Variants in INTS2 observed in about 807,000 individuals in gnomAD.
INTS2 encodes integrator complex subunit 2.
In INTS2, 57 loss-of-function variants were observed where a neutral mutation model predicts 139.6. The observed-to-expected ratio is 0.41, with a 90% CI of 0.33 to 0.51. The LOEUF (loss-of-function observed/expected upper bound fraction) is 0.51. Among genes scored for constraint, INTS2 ranks in the 20% least tolerant of loss-of-function variants. INTS2 has a pLI of 0.28. For synonymous variants in INTS2, 473 were observed against 493.4 expected (o/e 0.96, Z 0.55); for missense variants, 1,196 against 1,436.7 (o/e 0.83, Z 2.71).
intron 9 of INTS2, among the ~76,000 whole-genome samples, chr17:61,903,174 G>GAAAAA (rs551514700): frequency 5.0e-5 from 3 of 59,928 alleles, no homozygotes; most frequent in Non-Finnish European, 6.8e-5. Flanking sequence ...CTCAAAAAAG[G>GAAAAA]AAAAAAAAAA....
At chr17:61,922,485 G>C (rs1295963231) in intron 3 of INTS2, among the ~76,000 whole-genome samples, 2 of 56,862 alleles carry the variant, frequency 3.5e-5, no homozygotes, top group Non-Finnish European at 7.7e-5. Flanking sequence ...AAAAAAAAAA[G>C]AAAAAGAAAA....
Position 61,871,324 on chromosome 17 carries a change from T to G in INTS2, c.2778+941A>C, listed in dbSNP as rs1567887186. ...TTAGTAGAGATGGGGTTTCACCATG[T>G]TGGCCAGGCTGGTCTCAAAACTCCT... On this transcript the variant is annotated intron_variant, in intron 20 of 24. Transcript: ENST00000251334. The surrounding 1 kb of genome is among the most constrained non-coding windows in gnomAD (Gnocchi z 4.9). 6.6e-6 allele frequency among the ~76,000 whole-genome samples: 1 copy of G among 152,034 alleles called. No homozygotes were observed. The highest frequency in any genetic ancestry group is 1.5e-5 in the Non-Finnish European group (1 of 68,000).
intron 14 of INTS2, among the ~76,000 whole-genome samples, chr17:61,891,260 T>C (rs73332580): frequency 0.29 from 44,182 of 151,418 alleles, 8,577 homozygotes; most frequent in African/African-American, 0.54. Context: ...TGCAGTGAGC[T>C]GAGATCGCGC....
chr17:61,899,779 G>A (rs929211488), intron 9 of INTS2, among the ~76,000 whole-genome samples: 24 of 151,832 alleles, frequency 1.6e-4, no homozygotes, highest in African/African-American at 4.6e-4. Context: ...AGGCATGGTG[G>A]CGCATGTTTG....
intron 19 of INTS2, chr17:61,874,079 CTTTTTT>C (rs1206531745): frequency 6.6e-6 from 1 of 152,084 alleles, no homozygotes; most frequent in Non-Finnish European, 1.5e-5. Flanking sequence ...GTCCACTCTT[CTTTTTT>C]TAAGTTTAAA....
chr17:61,925,051 A>C lies in INTS2; in HGVS notation c.342T>G (p.Leu114=). The change falls in exon 3 of 25, where the codon CTT becomes CTG. Residue 114 remains leucine (L), a synonymous_variant. Coordinates refer to ENST00000251334, the MANE Select transcript of INTS2 (RefSeq NM_001351695.2). ...CAAACTCTAACGTCAGTCCATGCTG[A>C]AGCTGTGATACCAGGATGCTCTCTC... ...GSGESILVSQ[L]QHGLTLEFEH... 1.2e-6 allele frequency: 2 copies of C among 1,613,752 alleles called. No individual in the cohort carries two copies. Among genetic ancestry groups the C allele is most frequent in the Non-Finnish European group, 1.7e-6 (2 of 1,179,708 alleles).
At chr17:61,899,901 G>A (rs1284752632) in intron 9 of INTS2, among the ~76,000 whole-genome samples, 2 of 121,846 alleles carry the variant, frequency 1.6e-5, no homozygotes, top group Non-Finnish European at 3.3e-5. Context: ...AACAAAGCAA[G>A]ATCCTATCTA....
Position 61,926,655 on chromosome 17 carries a change from T to C in INTS2, c.-11A>G. 2 of 1,600,610 alleles carry C rather than the reference T, an allele frequency of 1.2e-6. No homozygotes were observed. The highest frequency in any genetic ancestry group is 2.2e-5 in the South Asian group (2 of 89,090). On this transcript the variant is annotated 5_prime_UTR_variant, in exon 2 of 25. Transcript: ENST00000251334. ...TGTACATTCAGTCATTATTACTGTT[T>C]GTTGATCCTAATGGTAAAAATACAA...
Position 61,897,417 on chromosome 17 carries a change from T to C in INTS2, c.1494+52A>G, listed in dbSNP as rs2079360578. 1 of 1,056,636 alleles carries C rather than the reference T, an allele frequency of 9.5e-7. No homozygotes were observed. The highest frequency in any genetic ancestry group is 1.4e-6 in the Non-Finnish European group (1 of 725,604). 65.5% of individuals were successfully genotyped at this position (1,056,636 alleles called of 1,614,324 possible). A position where few individuals can be genotyped will look rare whatever the true frequency, so the allele number is the denominator to read the frequency against. On this transcript the variant is annotated intron_variant, in intron 11 of 24. Coordinates refer to ENST00000251334, the MANE Select transcript of INTS2 (RefSeq NM_001351695.2). This position sits in a 1 kb window ranked among gnomAD's most constrained non-coding sequence, Gnocchi z 4.4. ...AATCTATTTACACTACAACAAAATG[T>C]CCAGCTTAGAAACACCTTTTTTTTT...
intron 3 of INTS2, among the ~76,000 whole-genome samples, chr17:61,923,764 C>T (rs905939014): frequency 3.3e-5 from 5 of 152,008 alleles, no homozygotes; most frequent in Admixed American, 6.6e-5. Context: ...ACCACAACCT[C>T]CACCTCCCAG....
At chr17:61,891,965 T>C (rs1166549246) in intron 13 of INTS2, among the ~76,000 whole-genome samples, 1 of 152,114 alleles carries the variant, frequency 6.6e-6, no homozygotes, top group Non-Finnish European at 1.5e-5. Context: ...ACATTTTAAG[T>C]CCCTACCATA....
chr17:61,866,798 C>T lies in INTS2; in HGVS notation c.*759G>A, dbSNP rs1187898391. ...TAAAACATAAAACTAAATGAGATCT[C>T]TCAGGTTCTTCTTTGAACAAAGATG... On this transcript the variant is annotated 3_prime_UTR_variant, in exon 25 of 25. Coordinates refer to ENST00000251334, the MANE Select transcript of INTS2 (RefSeq NM_001351695.2). The T allele has an allele frequency of 6.6e-6, 1 of 152,188 alleles. No individual in the cohort carries two copies. Among genetic ancestry groups the T allele is most frequent in the East Asian group, 1.9e-4 (1 of 5,196 alleles). 9.4% of individuals were successfully genotyped at this position (152,188 alleles called of 1,614,324 possible). A position where few individuals can be genotyped will look rare whatever the true frequency, so the allele number is the denominator to read the frequency against.
intron 5 of INTS2, among the ~76,000 whole-genome samples, chr17:61,915,691 C>A (rs868492668): frequency 1.4e-5 from 2 of 145,478 alleles, no homozygotes; most frequent in Non-Finnish European, 3.0e-5. Flanking sequence ...ATTAGCCGGG[C>A]GTGGTGGCGG....
intron 3 of INTS2, among the ~76,000 whole-genome samples, chr17:61,922,508 A>AT (rs2079654086): frequency 9.8e-6 from 1 of 101,628 alleles, no homozygotes; most frequent in African/African-American, 3.8e-5. Flanking sequence ...GAAAACAAAC[A>AT]AACATATATA....
chr17:61,903,368 T>C (rs1176688832), intron 9 of INTS2, among the ~76,000 whole-genome samples: 2 of 150,986 alleles, frequency 1.3e-5, no homozygotes, highest in Non-Finnish European at 3.0e-5. Context: ...TATGATGATA[T>C]GAGATATAAG....
At chr17:61,923,268 G>C (rs2079667626) in intron 3 of INTS2, among the ~76,000 whole-genome samples, 1 of 151,178 alleles carries the variant, frequency 6.6e-6, no homozygotes, top group Non-Finnish European at 1.5e-5. Context: ...ACGAGATCAG[G>C]AGATCGAGAC....
At chr17:61,925,448 G>A (rs1351549260) in intron 2 of INTS2, among the ~76,000 whole-genome samples, 2 of 151,860 alleles carry the variant, frequency 1.3e-5, no homozygotes, top group South Asian at 2.1e-4. Context: ...ATGGTGGCGC[G>A]TGCCTGTAGT....
At chr17:61,889,078 A>T (rs1451946596) in intron 15 of INTS2, among the ~76,000 whole-genome samples, 1 of 149,868 alleles carries the variant, frequency 6.7e-6, no homozygotes, top group Non-Finnish European at 1.5e-5. Context: ...ACAAAAAAAA[A>T]GAAACTCTTC....
At chr17:61,927,557 A>G (rs1327810095) in intron 1 of INTS2, 97 bp downstream of exon 1, 10 of 896,928 alleles carry the variant, frequency 1.1e-5, no homozygotes, top group Admixed American at 4.6e-5. Context: ...CCCGGGCGCA[A>G]CTAGAACCAA....
Sources: allele counts gnomAD v4.1 joint callset (sites outside exome capture counted in the v4.1 genomes callset), GRCh38; gene constraint gnomAD v4.1.1; non-coding constraint Gnocchi (gnomAD v3.1); transcripts MANE v1.5; gene names NCBI Gene and HGNC (gene_info 2026-07-23, HGNC 2026-07-21).